Variants in LDLRAD3 observed in about 807,000 individuals in gnomAD.
The protein encoded by LDLRAD3 is low-density lipoprotein receptor class A domain-containing protein 3.
LDLRAD3 carries 20 observed loss-of-function variants against 29.4 expected under a neutral mutation model. The ratio of observed to expected loss-of-function variants is 0.68; its 90% CI spans 0.48 to 0.99. The LOEUF (loss-of-function observed/expected upper bound fraction) is 0.99, where lower values mean the gene tolerates loss of function less well. Ranked by LOEUF, LDLRAD3 falls within the 50% of genes least tolerant of loss-of-function variation. The pLI is 0.00. For missense variants in LDLRAD3, 420 were observed against 454.3 expected (o/e 0.92, Z 0.69); for synonymous variants, 157 against 192.7 (o/e 0.81, Z 1.53).
intron 4 of LDLRAD3, among the ~76,000 whole-genome samples, chr11:36,205,202 C>T (rs1179291207): frequency 6.6e-6 from 1 of 152,228 alleles, no homozygotes; most frequent in Non-Finnish European, 1.5e-5. Flanking sequence ...ATTCTGTGTT[C>T]TCCGTGGGGC....
At chr11:36,092,881 T>C (rs1853304252) in intron 3 of LDLRAD3, among the ~76,000 whole-genome samples, 1 of 152,210 alleles carries the variant, frequency 6.6e-6, no homozygotes, top group Non-Finnish European at 1.5e-5. Context: ...TTGGGAGGCA[T>C]TTTTCTGTGG....
chr11:36,055,451 T>G (rs77609423), intron 2 of LDLRAD3, among the ~76,000 whole-genome samples: 3,031 of 152,278 alleles, frequency 0.02, 91 homozygotes, highest in African/African-American at 0.069. Flanking sequence ...AGGCAGAAGC[T>G]AATGAAGGGC....
intron 2 of LDLRAD3, among the ~76,000 whole-genome samples, chr11:36,057,508 C>T (rs188357368): frequency 3.7e-4 from 56 of 152,298 alleles, no homozygotes; most frequent in Middle Eastern, 3.4e-3. Context: ...GCTTTTGCAT[C>T]CTCCACAGTA....
At chr11:36,193,238 C>T (rs1169623172) in intron 4 of LDLRAD3, among the ~76,000 whole-genome samples, 1 of 152,130 alleles carries the variant, frequency 6.6e-6, no homozygotes, top group African/African-American at 2.4e-5. Context: ...AATATGGCAA[C>T]TAGTGAGAGC....
At chr11:36,209,605 G>A (rs2037715) in intron 4 of LDLRAD3, among the ~76,000 whole-genome samples, 1,797 of 152,140 alleles carry the variant, frequency 0.012, 38 homozygotes, top group African/African-American at 0.041. Flanking sequence ...TGATCCACCT[G>A]CCTCGGCCTC....
chr11:35,945,123 A>T (rs934881263), intron 1 of LDLRAD3, among the ~76,000 whole-genome samples: 1 of 152,132 alleles, frequency 6.6e-6, no homozygotes, highest in Non-Finnish European at 1.5e-5. Flanking sequence ...GGCCCAGTGA[A>T]CTTTCTTCAG....
At chr11:36,147,690 T>C (rs2133324240) in intron 4 of LDLRAD3, among the ~76,000 whole-genome samples, 1 of 152,282 alleles carries the variant, frequency 6.6e-6, no homozygotes, top group South Asian at 2.1e-4. Flanking sequence ...CATGGGGCTG[T>C]GGTATGATGT....
chr11:36,008,493 A>G (rs1486832016), intron 1 of LDLRAD3, among the ~76,000 whole-genome samples: 1 of 152,202 alleles, frequency 6.6e-6, no homozygotes, highest in Admixed American at 6.5e-5. Flanking sequence ...GTTGGGGTCA[A>G]GAAATGTAAC....
chr11:36,189,389 CA>C (rs1208968553), intron 4 of LDLRAD3, among the ~76,000 whole-genome samples: 4 of 151,950 alleles, frequency 2.6e-5, no homozygotes, highest in Non-Finnish European at 5.9e-5. Context: ...GAGGCTGAGG[CA>C]GGAGAATTGC....
intron 1 of LDLRAD3, among the ~76,000 whole-genome samples, chr11:36,023,603 A>T (rs1852126159): frequency 6.6e-6 from 1 of 152,186 alleles, no homozygotes; most frequent in South Asian, 2.1e-4. Flanking sequence ...TGTCAATCCC[A>T]CTTATTATTT....
chr11:35,958,895 C>T (rs934115047), intron 1 of LDLRAD3, among the ~76,000 whole-genome samples: 7 of 151,852 alleles, frequency 4.6e-5, no homozygotes, highest in Admixed American at 1.3e-4. Context: ...TGCAGACGTG[C>T]GCTGCTCTCG....
At chr11:36,120,436 C>G (rs959994053) in intron 4 of LDLRAD3, among the ~76,000 whole-genome samples, 1 of 152,066 alleles carries the variant, frequency 6.6e-6, no homozygotes, top group Non-Finnish European at 1.5e-5. Flanking sequence ...TTAGTATGTG[C>G]TAGGCACTCT....
intron 4 of LDLRAD3, among the ~76,000 whole-genome samples, chr11:36,160,758 A>G (rs1371282067): frequency 2.0e-5 from 3 of 152,190 alleles, no homozygotes; most frequent in African/African-American, 7.2e-5. Flanking sequence ...AAAGTCACAC[A>G]ATGACTTAGT....
intron 2 of LDLRAD3, among the ~76,000 whole-genome samples, chr11:36,049,136 A>G (rs980917671): frequency 1.4e-4 from 21 of 152,176 alleles, no homozygotes; most frequent in African/African-American, 5.1e-4. Flanking sequence ...CTTGGCTGTA[A>G]CTGCAAAATA....
intron 2 of LDLRAD3, among the ~76,000 whole-genome samples, chr11:36,057,426 T>A (rs906914857): frequency 2.0e-5 from 3 of 152,226 alleles, no homozygotes; most frequent in Non-Finnish European, 4.4e-5. Flanking sequence ...TTCCTCAAGC[T>A]AGTGTCCCAC....
At chr11:36,149,245 G>C (rs1854239904) in intron 4 of LDLRAD3, among the ~76,000 whole-genome samples, 1 of 152,202 alleles carries the variant, frequency 6.6e-6, no homozygotes, top group Non-Finnish European at 1.5e-5. Flanking sequence ...GAGGGGAGAA[G>C]ACATCAGACG....
chr11:36,045,712 G>C (rs1414446551), intron 2 of LDLRAD3, among the ~76,000 whole-genome samples: 7 of 147,126 alleles, frequency 4.8e-5, no homozygotes. Flanking sequence ...AGTCTCACGA[G>C]ATCTGATGGG....
At chr11:36,179,716 A>G (rs190289385) in intron 4 of LDLRAD3, among the ~76,000 whole-genome samples, 4 of 151,228 alleles carry the variant, frequency 2.6e-5, no homozygotes, top group Non-Finnish European at 1.5e-5. Context: ...GATGTAGCTG[A>G]GCTCGGTGGC....
At chr11:35,992,199 T>C (rs1341105769) in intron 1 of LDLRAD3, among the ~76,000 whole-genome samples, 3 of 152,186 alleles carry the variant, frequency 2.0e-5, no homozygotes, top group Non-Finnish European at 4.4e-5. Context: ...GAGATCCAGG[T>C]GGCTGCATGA....
Sources: allele counts gnomAD v4.1 joint callset (sites outside exome capture counted in the v4.1 genomes callset), GRCh38; gene constraint gnomAD v4.1.1; transcripts MANE v1.5; gene names NCBI Gene and HGNC (gene_info 2026-07-23, HGNC 2026-07-21).